Variants in PRMT3 observed in about 807,000 individuals in gnomAD.
PRMT3 encodes protein arginine N-methyltransferase 3.
A neutral mutation model predicts 71.9 loss-of-function variants in PRMT3; 62 were observed. That is an observed-to-expected ratio of 0.86 (90% CI 0.70 to 1.07). The LOEUF is 1.07. Ranked by LOEUF, PRMT3 falls within the 50% of genes least tolerant of loss-of-function variation. The probability of loss-of-function intolerance (pLI) is 0.00; values close to 1 mark genes in which losing one functional copy is unlikely to be tolerated. For missense variants in PRMT3, 663 were observed against 643.0 expected, an observed-to-expected ratio of 1.03 and a Z score of -0.34; for synonymous variants, 213 against 220.4, an observed-to-expected ratio of 0.97 and a Z score of 0.30.
At chr11:20,436,781 A>G (rs924606512) in intron 10 of PRMT3, among the ~76,000 whole-genome samples, 6 of 151,892 alleles carry the variant, frequency 4.0e-5, no homozygotes, top group Non-Finnish European at 7.4e-5. Flanking sequence ...TTTGTTATCT[A>G]TATAATGCTA....
At position 20,493,934 on chromosome 11, in the gene PRMT3, T is replaced by C. The variant is rs1292642070; in HGVS notation, c.1363T>C (p.Phe455Leu). Residue 455 changes from phenylalanine to leucine, a missense_variant, in exon 14 of 16, where the codon TTT becomes CTT. Physicochemically the swap from Phe to Leu is conservative, Grantham distance 22 (BLOSUM62 0). Coordinates refer to ENST00000331079, the MANE Select transcript of PRMT3 (RefSeq NM_005788.4). ...TAAAAAACAGGCAATTGCTGGCTAC[T>C]TTGATATATATTTTGAGAAGAATTG... ...TSMCTAIAGYFDIYFEKNCHN... is the reference protein window; with the variant it reads ...TSMCTAIAGYLDIYFEKNCHN... 2 of 1,588,686 alleles carry C rather than the reference T, an allele frequency of 1.3e-6. No homozygotes were observed. Among genetic ancestry groups the C allele is most frequent in the East Asian group, 4.5e-5 (2 of 44,682 alleles).
intron 13 of PRMT3, among the ~76,000 whole-genome samples, chr11:20,472,785 T>TA (rs1352739904): frequency 2.2e-5 from 3 of 137,892 alleles, no homozygotes; most frequent in African/African-American, 5.5e-5. Flanking sequence ...ATGGTTTCAG[T>TA]AAAAGTGGTA....
chr11:20,436,823 C>T (rs1187158850), intron 10 of PRMT3, among the ~76,000 whole-genome samples: 2 of 151,962 alleles, frequency 1.3e-5, no homozygotes, highest in Non-Finnish European at 2.9e-5. Flanking sequence ...AGAAATCCCC[C>T]CTCTTGATTT....
At chr11:20,413,029 T>A (rs528774645) in intron 9 of PRMT3, among the ~76,000 whole-genome samples, 2 of 152,318 alleles carry the variant, frequency 1.3e-5, no homozygotes, top group Admixed American at 1.3e-4. Flanking sequence ...TTGAACTACT[T>A]ACAAGGTATG....
intron 13 of PRMT3, among the ~76,000 whole-genome samples, chr11:20,467,427 C>G (rs1187074351): frequency 1.3e-5 from 2 of 152,044 alleles, no homozygotes; most frequent in Non-Finnish European, 2.9e-5. Context: ...TCTTTCCTGA[C>G]CCAAAAAACC....
chr11:20,389,885 C>T (rs1011838918), intron 3 of PRMT3, 59 bp downstream of exon 3: 30 of 1,260,256 alleles, frequency 2.4e-5, no homozygotes, highest in Non-Finnish European at 3.0e-5. Flanking sequence ...GGCATGGCAG[C>T]TCACACCTGT....
At chr11:20,498,983 C>A (rs1441462590) in intron 15 of PRMT3, among the ~76,000 whole-genome samples, 1 of 152,102 alleles carries the variant, frequency 6.6e-6, no homozygotes, top group Non-Finnish European at 1.5e-5. Context: ...TGGATCTTAA[C>A]AAAGCAGTGG....
intron 7 of PRMT3, among the ~76,000 whole-genome samples, chr11:20,398,843 T>A (rs1848889108): frequency 6.6e-6 from 1 of 152,258 alleles, no homozygotes; most frequent in Non-Finnish European, 1.5e-5. Context: ...ATTTGTGAAG[T>A]ATTCTCTATG....
At chr11:20,508,027 A>T (rs1054658354) in intron 15 of PRMT3, among the ~76,000 whole-genome samples, 8 of 151,710 alleles carry the variant, frequency 5.3e-5, no homozygotes, top group Non-Finnish European at 1.2e-4. Context: ...AATCTCTTGA[A>T]CCCAGGAGGC....
chr11:20,452,615 C>T (rs1850175649), intron 11 of PRMT3, among the ~76,000 whole-genome samples: 1 of 152,102 alleles, frequency 6.6e-6, no homozygotes, highest in Non-Finnish European at 1.5e-5. Context: ...ATCTGTAAAC[C>T]CGACTTCTCT....
chr11:20,463,728 T>G (rs1159904904), intron 12 of PRMT3, among the ~76,000 whole-genome samples: 1 of 152,202 alleles, frequency 6.6e-6, no homozygotes, highest in Non-Finnish European at 1.5e-5. Flanking sequence ...TGGGTTATGA[T>G]CTACTCCTGG....
At chr11:20,441,574 T>C (rs1435906052) in intron 10 of PRMT3, among the ~76,000 whole-genome samples, 2 of 152,002 alleles carry the variant, frequency 1.3e-5, no homozygotes, top group Non-Finnish European at 2.9e-5. Context: ...CCCAAAGTGC[T>C]GGGATTACAG....
intron 13 of PRMT3, among the ~76,000 whole-genome samples, chr11:20,492,043 A>G (rs1851219999): frequency 2.0e-5 from 3 of 152,354 alleles, no homozygotes; most frequent in South Asian, 2.1e-4. Context: ...AGAACCTACT[A>G]TATAACATTG....
At chr11:20,403,270 A>G (rs576420621) in intron 8 of PRMT3, among the ~76,000 whole-genome samples, 1 of 152,298 alleles carries the variant, frequency 6.6e-6, no homozygotes, top group South Asian at 2.1e-4. Context: ...TTTTGCTTAA[A>G]CCATATTTTT....
intron 13 of PRMT3, among the ~76,000 whole-genome samples, chr11:20,481,556 A>C (rs935993129): frequency 1.3e-5 from 2 of 152,118 alleles, no homozygotes; most frequent in African/African-American, 2.4e-5. Flanking sequence ...TATTGAACTT[A>C]CTGAGGGATA....
chr11:20,496,091 C>T (rs1374603474), intron 15 of PRMT3, among the ~76,000 whole-genome samples: 2 of 152,286 alleles, frequency 1.3e-5, no homozygotes, highest in Non-Finnish European at 2.9e-5. Flanking sequence ...GTATTCTAAA[C>T]AGTCTCTCCC....
At chr11:20,500,285 T>A (rs946290952) in intron 15 of PRMT3, among the ~76,000 whole-genome samples, 3 of 152,198 alleles carry the variant, frequency 2.0e-5, no homozygotes, top group Non-Finnish European at 4.4e-5. Flanking sequence ...AGAGATATAC[T>A]CTGAATTGGA....
At chr11:20,461,615 T>C (rs982367998) in intron 11 of PRMT3, among the ~76,000 whole-genome samples, 11 of 152,212 alleles carry the variant, frequency 7.2e-5, no homozygotes. Flanking sequence ...TTTGTCCTTT[T>C]CTGCATGTTT....
At chr11:20,427,161 A>AT (rs1191209537) in intron 10 of PRMT3, among the ~76,000 whole-genome samples, 1 of 152,148 alleles carries the variant, frequency 6.6e-6, no homozygotes, top group Non-Finnish European at 1.5e-5. Flanking sequence ...TAAGTTTTAG[A>AT]TACCTAAGTG....
Sources: allele counts gnomAD v4.1 joint callset (sites outside exome capture counted in the v4.1 genomes callset), GRCh38; gene constraint gnomAD v4.1.1; transcripts MANE v1.5; gene names NCBI Gene and HGNC (gene_info 2026-07-23, HGNC 2026-07-21).